The following OGG1 variants were observed in gnomAD, a reference collection of about 807,000 sequenced individuals.
OGG1 encodes the protein N-glycosylase/DNA lyase.
Under a neutral mutation model 42.3 loss-of-function variants are expected in OGG1, and 35 were observed. That is an observed-to-expected ratio of 0.83 (90% CI 0.63 to 1.10). The LOEUF is 1.10. OGG1 is among the 50% of genes least tolerant of loss of function. OGG1 has a pLI of 0.00. For synonymous variants in OGG1, 189 were observed against 179.0 expected, an observed-to-expected ratio of 1.06 and a Z score of -0.44; for missense variants, 484 against 446.7, an observed-to-expected ratio of 1.08 and a Z score of -0.75.
rs867450974 is a variant in OGG1, at chr3:9,751,854, G to C, written c.470G>C (p.Gly157Ala). The C allele has an allele frequency of 4.3e-6, 7 of 1,614,086 alleles. No individual in the cohort carries two copies. In the Middle Eastern group the frequency reaches 8.2e-4, roughly 190 times the overall value. ...SSNNNIARIT[G>A]MVERLCQAFG... ...AACAACAACATCGCCCGCATCACTGGCATGGTGGAGCGGCTGTGCCAGGCT... is the reference window on the plus strand; with the variant it reads ...AACAACAACATCGCCCGCATCACTGCCATGGTGGAGCGGCTGTGCCAGGCT... Residue 157 changes from glycine to alanine, a missense_variant, in exon 3 of 7, where the codon GGC (glycine) becomes GCC (alanine). Gly to Ala is a moderately conservative substitution (Grantham distance 60). Transcript: ENST00000344629.
At chr3:9,783,973 C>T (rs373839022) in intron 3 of OGG1, 17 of 1,558,838 alleles carry the variant, frequency 1.1e-5, no homozygotes, top group Middle Eastern at 1.8e-4. Context: ...GGTGACTAGC[C>T]GTGGCCACAG....
chr3:9,756,853 C>T (rs1308290003), intron 6 of OGG1, 37 bp downstream of exon 6: 3 of 1,612,944 alleles, frequency 1.9e-6, no homozygotes, highest in Non-Finnish European at 8.5e-7. Context: ...GGTTTCCTCT[C>T]CTCCAGCCCA....
intron 3 of OGG1, chr3:9,784,297 C>A: frequency 6.7e-7 from 1 of 1,492,284 alleles, no homozygotes; most frequent in South Asian, 1.3e-5. Context: ...TTCCCAAGGT[C>A]AGTGAAAACC....
At chr3:9,784,177 C>T in intron 3 of OGG1, 1 of 1,613,980 alleles carries the variant, frequency 6.2e-7, no homozygotes, top group Non-Finnish European at 8.5e-7. Flanking sequence ...TTAGCTCCTC[C>T]TTGATGCGGC....
At chr3:9,768,622 C>G (rs994728226), downstream of OGG1, among the ~76,000 whole-genome samples, 1 of 152,212 alleles carries the variant, frequency 6.6e-6, no homozygotes, top group Non-Finnish European at 1.5e-5. Flanking sequence ...CAAAGGCCAT[C>G]GAATGGCCTT....
downstream of OGG1, chr3:9,762,080 C>T (rs1282085723): frequency 1.2e-5 from 3 of 252,702 alleles, no homozygotes; most frequent in Admixed American, 4.9e-5. Context: ...CCCTGCTAGG[C>T]CAGTCTGTAT....
At position 9,750,118 on chromosome 3, in the gene OGG1, G is replaced by A. The variant is rs988096798; in HGVS notation, c.-169G>A. On this transcript the variant is annotated 5_prime_UTR_variant, in exon 1 of 7. Coordinates refer to ENST00000344629, the MANE Select transcript of OGG1 (RefSeq NM_002542.6). ...GGGGCTTTGATGACCCGCAAAGGGC[G>A]AGGCATGCAGGAGGTGGAGGAATTA... The A allele has an allele frequency of 4.6e-6, 4 of 864,954 alleles. No individual in the cohort carries two copies. Among genetic ancestry groups the A allele is most frequent in the Admixed American group, 2.8e-5 (1 of 36,210 alleles). The allele number at this position is 864,954 out of a possible 1,614,324, so 53.6% of individuals were successfully genotyped here.
At position 9,751,070 on chromosome 3, in the gene OGG1, C is replaced by A. The variant is rs753124135; in HGVS notation, c.263C>A (p.Pro88His). 2.5e-6 allele frequency: 4 copies of A among 1,613,906 alleles called. No homozygotes were observed. Among genetic ancestry groups the A allele is most frequent in the Admixed American group, 1.7e-5 (1 of 59,980 alleles). ...YRGDKSQASR[P>H]TPDELEAVRK... Reference sequence around the variant, plus strand: ...GGAGACAAGAGCCAGGCTAGCAGGCCCACACCAGACGAGCTGGAGGCCGTG... The same window carrying A: ...GGAGACAAGAGCCAGGCTAGCAGGCACACACCAGACGAGCTGGAGGCCGTG... Residue 88 changes from proline (P) to histidine (H), a missense_variant, in exon 2 of 7, where the codon CCC (proline) becomes CAC (histidine). Physicochemically the swap from Pro to His is moderately conservative, Grantham distance 77 (BLOSUM62 -2). Transcript: ENST00000344629.
At chr3:9,755,950 CCTT>C (rs1202774598) in intron 4 of OGG1, among the ~76,000 whole-genome samples, 1 of 152,120 alleles carries the variant, frequency 6.6e-6, no homozygotes, top group African/African-American at 2.4e-5. Context: ...TGTGGTAATA[CCTT>C]CTTCCCAGGT....
At chr3:9,761,674 C>A, downstream of OGG1, 1 of 1,614,136 alleles carries the variant, frequency 6.2e-7, no homozygotes, top group South Asian at 1.1e-5. Flanking sequence ...GCACACTGCC[C>A]GGGTCCTCCA....
At chr3:9,778,882 A>G (rs1228074436) in intron 2 of OGG1, among the ~76,000 whole-genome samples, 3 of 152,204 alleles carry the variant, frequency 2.0e-5, no homozygotes, top group Non-Finnish European at 4.4e-5. Context: ...GGTGCTGGGT[A>G]TACGAGAATG....
downstream of OGG1, chr3:9,760,338 A>G (rs2077794469): frequency 3.6e-6 from 1 of 280,132 alleles, no homozygotes. Flanking sequence ...TTTGCTTCTT[A>G]ATAGGGGGCA....
chr3:9,784,786 C>T (rs559403252), intron 3 of OGG1, among the ~76,000 whole-genome samples: 70 of 151,782 alleles, frequency 4.6e-4, no homozygotes, highest in Non-Finnish European at 8.1e-4. Flanking sequence ...ATCGCTTGAA[C>T]CTGGGAGGCG....
At chr3:9,760,849 G>T, downstream of OGG1, 1 of 1,590,704 alleles carries the variant, frequency 6.3e-7, no homozygotes, top group South Asian at 1.1e-5. Flanking sequence ...AGTCTCAGGG[G>T]TCAGGCAGGA....
chr3:9,773,457 C>T (rs968026417), intron 2 of OGG1, among the ~76,000 whole-genome samples: 3 of 151,956 alleles, frequency 2.0e-5, no homozygotes, highest in Non-Finnish European at 4.4e-5. Flanking sequence ...AGGAGAATGG[C>T]GTGGACCCGG....
chr3:9,754,103 G>A (rs2077429928), intron 3 of OGG1, among the ~76,000 whole-genome samples: 1 of 152,230 alleles, frequency 6.6e-6, no homozygotes, highest in Non-Finnish European at 1.5e-5. Flanking sequence ...TTGTGCCACT[G>A]CATTCCAGCC....
chr3:9,787,541 T>C, intron 3 of OGG1: 1 of 983,678 alleles, frequency 1.0e-6, no homozygotes, highest in Non-Finnish European at 1.5e-6. Context: ...CAAAAAGAAC[T>C]AAGACACACA....
intron 3 of OGG1, among the ~76,000 whole-genome samples, chr3:9,782,587 C>T (rs1467619964): frequency 6.6e-6 from 1 of 152,210 alleles, no homozygotes; most frequent in Non-Finnish European, 1.5e-5. Flanking sequence ...CTTGCTCTGC[C>T]TCTCTTGCTG....
chr3:9,777,847 G>T (rs2125609971), intron 2 of OGG1, among the ~76,000 whole-genome samples: 1 of 152,296 alleles, frequency 6.6e-6, no homozygotes, highest in Admixed American at 6.5e-5. Context: ...GAACATGGAA[G>T]TGAGTGGTTA....
Sources: gnomAD v4.1 joint callset for allele counts (sites outside exome capture counted in the v4.1 genomes callset) on GRCh38, gnomAD v4.1.1 for gene constraint, MANE v1.5 for transcripts, NCBI Gene and HGNC (gene_info 2026-07-23, HGNC 2026-07-21) for gene names.